ANKHD1: variants seen among roughly 807,000 people sequenced by gnomAD.
ANKHD1 encodes ankyrin repeat and KH domain-containing protein 1.
ANKHD1 carries 31 observed loss-of-function variants against 230.5 expected under a neutral mutation model. The observed-to-expected ratio is 0.13, with a 90% CI of 0.10 to 0.18. ANKHD1 has a LOEUF of 0.18. Among genes scored for constraint, ANKHD1 ranks in the 10% least tolerant of loss-of-function variants. The pLI, the probability that ANKHD1 is intolerant of heterozygous loss-of-function variation, is 1.00. For missense variants in ANKHD1, 2,256 were observed against 3,071.3 expected, an observed-to-expected ratio of 0.73 and a Z score of 6.27; for synonymous variants, 1,074 against 1,117.6, an observed-to-expected ratio of 0.96 and a Z score of 0.78.
Position 140,463,117 on chromosome 5 carries a change from G to A in ANKHD1, c.1673-1550G>A, listed in dbSNP as rs556809037. Among the ~76,000 whole-genome samples, 404 of 152,156 alleles carry A rather than the reference G, an allele frequency of 2.7e-3. 2 individuals carry two copies. Among genetic ancestry groups the A allele is most frequent in the Non-Finnish European group, 3.2e-3 (217 of 68,006 alleles). On this transcript the variant is annotated intron_variant, in intron 9 of 33. Transcript: ENST00000360839. Reference sequence around the variant, plus strand: ...TCTCACTTTGTTCTCCCAAAGCGCGGAGATTACAGGCATGAGCCACTGTGC... The same window carrying A: ...TCTCACTTTGTTCTCCCAAAGCGCGAAGATTACAGGCATGAGCCACTGTGC...
At chr5:140,424,739 C>T (rs1326715070) in intron 1 of ANKHD1, among the ~76,000 whole-genome samples, 1 of 152,162 alleles carries the variant, frequency 6.6e-6, no homozygotes, top group Non-Finnish European at 1.5e-5. Context: ...TATTTTCTGA[C>T]AATATGATTG....
intron 4 of ANKHD1, 54 bp from the exon 5 acceptor site, chr5:140,440,941 T>TA: frequency 6.8e-7 from 1 of 1,462,712 alleles, no homozygotes; most frequent in Non-Finnish European, 9.0e-7. Flanking sequence ...TCTCTAGAAA[T>TA]ACTATTGAAT....
chr5:140,430,769 C>T (rs1018315720), intron 1 of ANKHD1, among the ~76,000 whole-genome samples: 3 of 151,830 alleles, frequency 2.0e-5, no homozygotes, highest in Non-Finnish European at 4.4e-5. Context: ...GGCGATCCTC[C>T]CACCTCAGTT....
chr5:140,486,973 A>T lies in ANKHD1; in HGVS notation c.2158A>T (p.Thr720Ser), dbSNP rs1357284941. Residue 720 changes from threonine to serine, a missense_variant, in exon 14 of 34, where the codon ACG (threonine) becomes TCG (serine). Coordinates refer to ENST00000360839, the MANE Select transcript of ANKHD1 (RefSeq NM_017747.3). ...GACTTTTTAGGTGCCACGTGTGCCA[A>T]CGCATACACTTGCCATGGTTGTACC... ...QDQSQVPRVP[T>S]HTLAMVVPPQ... 1.9e-6 allele frequency: 3 copies of T among 1,612,482 alleles called. No homozygotes were observed. Among genetic ancestry groups the T allele is most frequent in the Non-Finnish European group, 2.5e-6 (3 of 1,179,036 alleles).
chr5:140,500,366 G>C (rs1752233591), intron 15 of ANKHD1, among the ~76,000 whole-genome samples: 1 of 151,902 alleles, frequency 6.6e-6, no homozygotes, highest in Non-Finnish European at 1.5e-5. Flanking sequence ...ACTGAAGCTG[G>C]CCGGGAGCAG....
At chr5:140,496,044 A>G (rs1343215103) in intron 14 of ANKHD1, among the ~76,000 whole-genome samples, 1 of 152,212 alleles carries the variant, frequency 6.6e-6, no homozygotes, top group Non-Finnish European at 1.5e-5. Flanking sequence ...GGTCTTTTGC[A>G]TTAACTCTGC....
At chr5:140,461,816 A>G (rs1204376382) in intron 9 of ANKHD1, among the ~76,000 whole-genome samples, 4 of 152,308 alleles carry the variant, frequency 2.6e-5, no homozygotes, top group Non-Finnish European at 1.5e-5. Flanking sequence ...AAAAAATTTT[A>G]ATGAGTTTCT....
chr5:140,446,645 C>T (rs1345480015), intron 6 of ANKHD1, among the ~76,000 whole-genome samples: 2 of 152,100 alleles, frequency 1.3e-5, no homozygotes, highest in Admixed American at 1.3e-4. Flanking sequence ...GCTGGGATTA[C>T]AGGCGTGAGC....
In ANKHD1 at chr5:140,528,342, C is replaced by T; in HGVS notation, c.5396C>T (p.Thr1799Ile). Residue 1799 changes from threonine to isoleucine, a missense_variant, in exon 29 of 34, where the codon ACA (threonine) becomes ATA (isoleucine). Physicochemically the swap from Thr to Ile is moderately conservative, Grantham distance 89 (BLOSUM62 -1). Around this residue, in one of 13 missense-constraint regions of ANKHD1, gnomAD observed 778 missense variants for 966.5 expected, o/e 0.80. Coordinates refer to ENST00000360839, the MANE Select transcript of ANKHD1 (RefSeq NM_017747.3). ...HANFSSGVGT[T>I]AASSKNAFPL... ...AACTTCTCATCTGGAGTAGGTACCA[C>T]AGCAGCTTCCAGTAAAAATGCATTT... 1 of 1,614,148 alleles carries T rather than the reference C, an allele frequency of 6.2e-7. No homozygotes were observed. Among genetic ancestry groups the T allele is most frequent in the Non-Finnish European group, 8.5e-7 (1 of 1,180,030 alleles).
chr5:140,516,764 T>C (rs1466316323), intron 24 of ANKHD1, among the ~76,000 whole-genome samples: 2 of 151,800 alleles, frequency 1.3e-5, no homozygotes, highest in African/African-American at 4.8e-5. Context: ...CCACCAGGCC[T>C]GCCCTAAAAG....
intron 1 of ANKHD1, among the ~76,000 whole-genome samples, chr5:140,427,631 C>G (rs1239409560): frequency 6.8e-6 from 1 of 147,370 alleles, no homozygotes; most frequent in East Asian, 2.1e-4. Flanking sequence ...GACGGGGCGG[C>G]TGGCCGGGCG....
At chr5:140,463,967 C>T (rs1388374227) in intron 9 of ANKHD1, among the ~76,000 whole-genome samples, 1 of 152,116 alleles carries the variant, frequency 6.6e-6, no homozygotes, top group Non-Finnish European at 1.5e-5. Context: ...GCCACCATGC[C>T]TGGCTAGAAC....
intron 15 of ANKHD1, among the ~76,000 whole-genome samples, chr5:140,500,340 A>G (rs143886423): frequency 7.4e-4 from 112 of 151,886 alleles, no homozygotes; most frequent in Middle Eastern, 3.4e-3. Context: ...TCCCACCTCT[A>G]TTTTTCTGTT....
At chr5:140,488,217 C>T (rs77452679) in intron 14 of ANKHD1, among the ~76,000 whole-genome samples, 3,022 of 152,050 alleles carry the variant, frequency 0.02, 103 homozygotes, top group African/African-American at 0.069. Flanking sequence ...TTATTGTTTT[C>T]TTTGGGGGGG....
chr5:140,507,660 C>A lies in ANKHD1; in HGVS notation c.3552-125C>A. 1.7e-6 allele frequency: 2 copies of A among 1,169,120 alleles called. No individual in the cohort carries two copies. Among genetic ancestry groups the A allele is most frequent in the Non-Finnish European group, 2.4e-6 (2 of 845,166 alleles). The allele number at this position is 1,169,120 out of a possible 1,614,324, so 72.4% of individuals were successfully genotyped here. On this transcript the variant is annotated intron_variant, in intron 19 of 33. Transcript: ENST00000360839. The surrounding 1 kb of genome is among the most constrained non-coding windows in gnomAD (Gnocchi z 4.1). Reference sequence around the variant, plus strand: ...TCTTATTCTTTATTATTGGTCGAAACAAGTAAAATCTATTCATTGATGTTA... The same window carrying A: ...TCTTATTCTTTATTATTGGTCGAAAAAAGTAAAATCTATTCATTGATGTTA...
chr5:140,505,270 A>G (rs1488167917), intron 17 of ANKHD1, 37 bp downstream of exon 17: 11 of 1,606,634 alleles, frequency 6.8e-6, no homozygotes, highest in Non-Finnish European at 6.8e-6. Context: ...AAGTGTAGTT[A>G]CATCAGAAAA....
chr5:140,406,671 A>T (rs1269811740), intron 1 of ANKHD1, among the ~76,000 whole-genome samples: 1 of 151,428 alleles, frequency 6.6e-6, no homozygotes, highest in East Asian at 1.9e-4. Flanking sequence ...CAGTAGTGAG[A>T]TTACAAGTGC....
Position 140,449,316 on chromosome 5 carries a change from A to G in ANKHD1, c.1242+11A>G. The G allele has an allele frequency of 2.5e-6, 4 of 1,610,958 alleles. No homozygotes were observed. The highest frequency in any genetic ancestry group is 3.4e-6 in the Non-Finnish European group (4 of 1,178,252). On this transcript the variant is annotated intron_variant, in intron 7 of 33. Transcript: ENST00000360839. Reference sequence around the variant, plus strand: ...ATGGAGGCCTGCATGGTAATTTTAAATTACACTCACTTGAGATTTTATGGG... The same window carrying G: ...ATGGAGGCCTGCATGGTAATTTTAAGTTACACTCACTTGAGATTTTATGGG...
chr5:140,533,066 C>T (rs1017928078), intron 29 of ANKHD1, among the ~76,000 whole-genome samples: 3 of 149,968 alleles, frequency 2.0e-5, no homozygotes, highest in African/African-American at 7.5e-5. Flanking sequence ...CCACTATACT[C>T]AGCCTGGGTA....
Sources: gnomAD v4.1 joint callset for allele counts (sites outside exome capture counted in the v4.1 genomes callset) on GRCh38, gnomAD v4.1.1 for gene constraint, gnomAD v4.1.1 regional missense constraint, Gnocchi (gnomAD v3.1) non-coding constraint, MANE v1.5 for transcripts, NCBI Gene and HGNC (gene_info 2026-07-23, HGNC 2026-07-21) for gene names.